Variants in SNX29 observed in about 807,000 individuals in gnomAD.
SNX29 encodes the protein sorting nexin 29.
Under a neutral mutation model 102.1 loss-of-function variants are expected in SNX29, and 78 were observed. The observed-to-expected ratio is 0.76, with a 90% confidence interval of 0.64 to 0.92. SNX29 has a LOEUF of 0.92. SNX29 is among the 40% of genes least tolerant of loss of function. The pLI is 0.00. For synonymous variants in SNX29, 580 were observed against 414.5 expected (o/e 1.40, Z -4.85); for missense variants, 1,280 against 1,061.7 (o/e 1.21, Z -2.86).
chr16:12,385,700 C>T (rs2083316624), intron 16 of SNX29, among the ~76,000 whole-genome samples: 1 of 152,234 alleles, frequency 6.6e-6, no homozygotes, highest in Non-Finnish European at 1.5e-5. Flanking sequence ...CTCTAGGCCA[C>T]TTAGCTATAT....
intron 1 of SNX29, among the ~76,000 whole-genome samples, chr16:11,981,483 C>T (rs573013226): frequency 6.6e-6 from 1 of 152,076 alleles, no homozygotes; most frequent in African/African-American, 2.4e-5. Flanking sequence ...TCTCCTTTTC[C>T]CCCTTGCATT....
chr16:12,371,508 A>G (rs966223692), intron 16 of SNX29, among the ~76,000 whole-genome samples: 2 of 152,114 alleles, frequency 1.3e-5, no homozygotes, highest in Non-Finnish European at 2.9e-5. Context: ...GGGTCTTTCT[A>G]TGTTGCCCAT....
rs144973550 is a variant in SNX29, at chr16:12,507,174, G to A, written c.2179-17528G>A. Among the ~76,000 whole-genome samples the A allele has an allele frequency of 4.3e-3, 649 of 152,312 alleles. 7 individuals carry two copies. The highest frequency in any genetic ancestry group is 0.015 in the African/African-American group (625 of 41,568). On this transcript the variant is annotated intron_variant, in intron 19 of 20. Transcript: ENST00000566228. The stretch of plus-strand genomic sequence containing the variant: ...AAATGCTTTCTGAGGCTGTAGACCT[G>A]GTAAGTGGTGCAGCCAGGATTGAAG...
intron 20 of SNX29, among the ~76,000 whole-genome samples, chr16:12,537,960 G>A (rs992708686): frequency 6.9e-6 from 1 of 144,854 alleles, no homozygotes; most frequent in Admixed American, 6.9e-5. Context: ...ACTCCAGCCT[G>A]GGCAATAGAG....
chr16:12,560,455 G>A (rs2078659872), intron 20 of SNX29, among the ~76,000 whole-genome samples: 1 of 152,148 alleles, frequency 6.6e-6, no homozygotes, highest in African/African-American at 2.4e-5. Flanking sequence ...CGAGTCTTTT[G>A]GGTTCTTGCC....
intron 13 of SNX29, among the ~76,000 whole-genome samples, chr16:12,146,196 A>T (rs1379782288): frequency 1.3e-5 from 2 of 151,602 alleles, no homozygotes; most frequent in Non-Finnish European, 2.9e-5. Flanking sequence ...ATCTGTGTGT[A>T]TTTCTCTGTC....
At chr16:12,028,178 C>A (rs530669988) in intron 4 of SNX29, among the ~76,000 whole-genome samples, 1 of 152,152 alleles carries the variant, frequency 6.6e-6, no homozygotes, top group South Asian at 2.1e-4. Context: ...ATGTCAGTGT[C>A]GTTGCTGAGT....
chr16:12,568,375 G>A (rs1021070157), intron 20 of SNX29, 131 bp from the exon 21 acceptor site: 2 of 1,234,670 alleles, frequency 1.6e-6, no homozygotes, highest in Non-Finnish European at 2.2e-6. Flanking sequence ...ACCAGTTAGA[G>A]GCAGATCCAA....
rs79283747 is a variant in SNX29 at position 12,310,058 on chromosome 16, G to A, written c.1782+32022G>A. ...TGTGTGCACACATATGTACACACAC[G>A]CATGCACGCACATACATACACATGT... On this transcript the variant is annotated intron_variant, in intron 15 of 20. Transcript: ENST00000566228. Among the ~76,000 whole-genome samples the A allele has an allele frequency of 5.1e-3, 780 of 151,566 alleles. 41 individuals are homozygous for A. The East Asian group carries it at 0.12, about 23-fold the overall frequency.
intron 3 of SNX29, among the ~76,000 whole-genome samples, chr16:12,016,597 T>C (rs2056855969): frequency 1.3e-5 from 2 of 152,178 alleles, no homozygotes; most frequent in African/African-American, 4.8e-5. Context: ...GTCATGACTT[T>C]GTATTTTAGC....
Position 12,207,649 on chromosome 16 carries a change from C to T in SNX29, c.1678+7966C>T, listed in dbSNP as rs373360864. Among the ~76,000 whole-genome samples the T allele has an allele frequency of 2.0e-3, 305 of 152,274 alleles. 1 individual carries two copies. The highest frequency in any genetic ancestry group is 3.5e-3 in the Non-Finnish European group (238 of 68,036). On this transcript the variant is annotated intron_variant, in intron 14 of 20. Transcript: ENST00000566228. ...CCCCACTCTTGGCTCATCCAGTCTC[C>T]TTTCCTAGAAACTCCGCTTCCCTTA...
intron 19 of SNX29, among the ~76,000 whole-genome samples, chr16:12,516,031 C>T (rs1046764569): frequency 3.9e-5 from 6 of 152,240 alleles, no homozygotes; most frequent in South Asian, 2.1e-4. Flanking sequence ...TTCCTTTTCT[C>T]GGCTAGGCCT....
At chr16:12,412,428 A>T (rs1273801491) in intron 18 of SNX29, among the ~76,000 whole-genome samples, 1 of 152,066 alleles carries the variant, frequency 6.6e-6, no homozygotes. Flanking sequence ...GAATTCTGTC[A>T]CTCTCTCATT....
chr16:12,563,127 C>T (rs1321827666), intron 20 of SNX29, among the ~76,000 whole-genome samples: 33 of 152,214 alleles, frequency 2.2e-4, no homozygotes, highest in Admixed American at 2.0e-3. Context: ...TAGGAAAGGT[C>T]GCCACACGTC....
chr16:12,354,794 TCC>T (rs2082085621), intron 15 of SNX29, among the ~76,000 whole-genome samples: 1 of 152,156 alleles, frequency 6.6e-6, no homozygotes, highest in Non-Finnish European at 1.5e-5. Context: ...CCTTTTCTTA[TCC>T]AAAAGGAATA....
chr16:12,355,622 T>A (rs2082107989), intron 15 of SNX29, among the ~76,000 whole-genome samples: 1 of 152,096 alleles, frequency 6.6e-6, no homozygotes, highest in Non-Finnish European at 1.5e-5. Context: ...AGTTGAATAG[T>A]CTGTACATTG....
intron 13 of SNX29, among the ~76,000 whole-genome samples, chr16:12,183,394 C>T (rs545502422): frequency 2.6e-5 from 4 of 152,074 alleles, no homozygotes; most frequent in Admixed American, 2.6e-4. Flanking sequence ...ATGTACCTAC[C>T]GTCCACCTAG....
intron 13 of SNX29, among the ~76,000 whole-genome samples, chr16:12,195,460 T>C (rs556333374): frequency 7.2e-5 from 11 of 152,378 alleles, no homozygotes; most frequent in African/African-American, 2.6e-4. Context: ...AAAGCTCACC[T>C]GTCACCAACT....
intron 15 of SNX29, among the ~76,000 whole-genome samples, chr16:12,314,224 C>T (rs1426730278): frequency 6.6e-6 from 1 of 152,236 alleles, no homozygotes; most frequent in Non-Finnish European, 1.5e-5. Context: ...GTCCCAAACT[C>T]CTGGTCTCAA....
Sources: gnomAD v4.1 joint callset for allele counts (sites outside exome capture counted in the v4.1 genomes callset) on GRCh38, gnomAD v4.1.1 for gene constraint, MANE v1.5 for transcripts, NCBI Gene and HGNC (gene_info 2026-07-23, HGNC 2026-07-21) for gene names.